MSRA: variants seen among roughly 807,000 people sequenced by gnomAD.
MSRA encodes the protein methionine sulfoxide reductase A.
A neutral mutation model predicts 31.3 loss-of-function variants in MSRA; 54 were observed. That is an observed-to-expected ratio of 1.73 (90% CI 1.39 to 2.17). MSRA has a LOEUF of 2.17. MSRA is among the 30% of genes most tolerant of loss of function. MSRA has a pLI of 0.00. For synonymous variants in MSRA, 169 were observed against 116.5 expected, an observed-to-expected ratio of 1.45 and a Z score of -2.90; for missense variants, 507 against 300.9, an observed-to-expected ratio of 1.69 and a Z score of -5.07.
chr8:10,112,536 T>C (rs1800366061), intron 1 of MSRA, among the ~76,000 whole-genome samples: 1 of 152,098 alleles, frequency 6.6e-6, no homozygotes, highest in African/African-American at 2.4e-5. Context: ...GAAATACAAA[T>C]ACTGGAAAAA....
intron 1 of MSRA, among the ~76,000 whole-genome samples, chr8:10,072,875 G>A (rs1797812715): frequency 6.6e-6 from 1 of 152,010 alleles, no homozygotes; most frequent in Non-Finnish European, 1.5e-5. Context: ...TAAATGATAT[G>A]GTATCTTTAA....
At chr8:10,061,980 T>C (rs530514848) in intron 1 of MSRA, among the ~76,000 whole-genome samples, 3 of 152,214 alleles carry the variant, frequency 2.0e-5, no homozygotes, top group African/African-American at 7.2e-5. Flanking sequence ...TCAGGAGTTA[T>C]TGTGAGCCCC....
chr8:10,103,976 A>G (rs143976124), intron 1 of MSRA, among the ~76,000 whole-genome samples: 44 of 152,326 alleles, frequency 2.9e-4, no homozygotes, highest in African/African-American at 1.0e-3. Context: ...TATATTTTAC[A>G]TGTTTAAAAA....
At chr8:10,157,129 T>C (rs1418267891) in intron 1 of MSRA, among the ~76,000 whole-genome samples, 1 of 152,066 alleles carries the variant, frequency 6.6e-6, no homozygotes, top group African/African-American at 2.4e-5. Context: ...TATATGTTCA[T>C]CCTCCAGTAT....
intron 1 of MSRA, among the ~76,000 whole-genome samples, chr8:10,163,360 C>G (rs1020282995): frequency 1.3e-5 from 2 of 152,202 alleles, no homozygotes; most frequent in Non-Finnish European, 2.9e-5. Context: ...TCTTCTCTTT[C>G]TAAACGGCAC....
intron 1 of MSRA, among the ~76,000 whole-genome samples, chr8:10,083,290 G>A (rs962029272): frequency 5.9e-5 from 9 of 152,128 alleles, no homozygotes; most frequent in African/African-American, 1.7e-4. Flanking sequence ...CTTTAGATTT[G>A]TTTTCTGGCT....
intron 1 of MSRA, among the ~76,000 whole-genome samples, chr8:10,182,892 C>G (rs1053241187): frequency 7.2e-5 from 11 of 152,188 alleles, no homozygotes; most frequent in Non-Finnish European, 1.6e-4. Flanking sequence ...AAGCAAGTTA[C>G]TCAAGGAGAA....
intron 4 of MSRA, among the ~76,000 whole-genome samples, chr8:10,315,649 G>C (rs925540744): frequency 6.6e-6 from 1 of 152,194 alleles, no homozygotes; most frequent in African/African-American, 2.4e-5. Context: ...GTGTGCACAT[G>C]TGTGCTTGGT....
chr8:10,283,798 A>G (rs1368958988), intron 3 of MSRA, among the ~76,000 whole-genome samples: 5 of 69,988 alleles, frequency 7.1e-5, no homozygotes, highest in South Asian at 6.0e-4. Flanking sequence ...GTAGTATTCT[A>G]TCTCATATAT....
At chr8:10,397,647 A>T (rs1170727487) in intron 5 of MSRA, among the ~76,000 whole-genome samples, 3 of 152,250 alleles carry the variant, frequency 2.0e-5, no homozygotes, top group Non-Finnish European at 4.4e-5. Flanking sequence ...CTGCTTTGGA[A>T]TTGGAAGACT....
At chr8:10,168,162 T>C (rs905099835) in intron 1 of MSRA, among the ~76,000 whole-genome samples, 1 of 152,220 alleles carries the variant, frequency 6.6e-6, no homozygotes, top group Non-Finnish European at 1.5e-5. Context: ...GTCTACCTTG[T>C]AGGATAATTG....
At chr8:10,114,807 C>G (rs1162438700) in intron 1 of MSRA, among the ~76,000 whole-genome samples, 2 of 152,156 alleles carry the variant, frequency 1.3e-5, no homozygotes, top group African/African-American at 4.8e-5. Flanking sequence ...GATGTCAATT[C>G]TCTTAAAATC....
chr8:10,160,358 G>T lies in MSRA; in HGVS notation c.143-47475G>T, dbSNP rs192020778. Among the ~76,000 whole-genome samples, 1,017 of 152,118 alleles carry T rather than the reference G, an allele frequency of 6.7e-3. 5 individuals carry two copies. The highest frequency in any genetic ancestry group is 0.011 in the South Asian group (51 of 4,808). On this transcript the variant is annotated intron_variant, in intron 1 of 5. Coordinates refer to ENST00000317173, the MANE Select transcript of MSRA (RefSeq NM_012331.5). ...AAAACACAAAAAATTAGCCAGGCGT[G>T]GTGGTGGGCCCCTGTAGTCCCAGCT...
chr8:10,100,323 C>T (rs112480173), intron 1 of MSRA, among the ~76,000 whole-genome samples: 6,763 of 152,074 alleles, frequency 0.044, 203 homozygotes, highest in South Asian at 0.11. Flanking sequence ...GTGTCCAAGG[C>T]GGTGAGGGGC....
At chr8:10,296,923 T>C (rs180807198) in intron 3 of MSRA, among the ~76,000 whole-genome samples, 2 of 152,334 alleles carry the variant, frequency 1.3e-5, no homozygotes, top group East Asian at 3.9e-4. Flanking sequence ...TCTTCTGTTC[T>C]TATGTACTGC....
chr8:10,341,598 C>A (rs1159009611), intron 5 of MSRA, among the ~76,000 whole-genome samples: 1 of 152,176 alleles, frequency 6.6e-6, no homozygotes, highest in Non-Finnish European at 1.5e-5. Flanking sequence ...GCTTGGACAT[C>A]TCAAGGTAGT....
intron 4 of MSRA, among the ~76,000 whole-genome samples, chr8:10,315,563 C>T (rs1284155408): frequency 6.6e-6 from 1 of 152,184 alleles, no homozygotes; most frequent in Non-Finnish European, 1.5e-5. Flanking sequence ...AATCTGGAAA[C>T]TACAAAGGTA....
At chr8:10,363,930 C>A (rs1805009749) in intron 5 of MSRA, among the ~76,000 whole-genome samples, 1 of 152,036 alleles carries the variant, frequency 6.6e-6, no homozygotes, top group African/African-American at 2.4e-5. Context: ...GACCCTGTAA[C>A]AACAAAACAA....
intron 1 of MSRA, among the ~76,000 whole-genome samples, chr8:10,074,779 C>T (rs1221343029): frequency 3.3e-5 from 5 of 152,138 alleles, no homozygotes; most frequent in Non-Finnish European, 5.9e-5. Context: ...CTGCCTCAGC[C>T]TCCCAAGTAG....
Sources: gnomAD v4.1 joint callset for allele counts (sites outside exome capture counted in the v4.1 genomes callset) on GRCh38, gnomAD v4.1.1 for gene constraint, MANE v1.5 for transcripts, NCBI Gene and HGNC (gene_info 2026-07-23, HGNC 2026-07-21) for gene names.